UBE2Q2: variants seen among roughly 807,000 people sequenced by gnomAD.
UBE2Q2 encodes ubiquitin conjugating enzyme E2 Q2.
A neutral mutation model predicts 59.9 loss-of-function variants in UBE2Q2; 54 were observed. The observed-to-expected ratio is 0.90, with a 90% CI of 0.72 to 1.13. UBE2Q2 has a LOEUF of 1.13. Among genes scored for constraint, UBE2Q2 ranks in the 50% most tolerant of loss-of-function variants. UBE2Q2 has a pLI of 0.00. For missense variants in UBE2Q2, 433 were observed against 441.9 expected (o/e 0.98, Z 0.18); for synonymous variants, 165 against 155.2 (o/e 1.06, Z -0.47).
chr15:75,849,389 C>G (rs555237922), intron 1 of UBE2Q2, among the ~76,000 whole-genome samples: 1 of 152,298 alleles, frequency 6.6e-6, no homozygotes, highest in East Asian at 1.9e-4. Context: ...CTGAAGATAG[C>G]TGTGTCCTAC....
chr15:75,899,424 C>A lies in UBE2Q2; in HGVS notation c.1097-3C>A. On this transcript the variant is annotated splice_region_variant and splice_polypyrimidine_tract_variant and intron_variant, in intron 12 of 12. Transcript: ENST00000267938. ...TAACTTTTTTTTTTTCATTCTATTT[C>A]AGGCTGGTACACCCCTCCAAAGGAA... The A allele has an allele frequency of 1.3e-6, 2 of 1,566,512 alleles. No individual in the cohort carries two copies. The highest frequency in any genetic ancestry group is 1.7e-6 in the Non-Finnish European group (2 of 1,158,394).
intron 7 of UBE2Q2, among the ~76,000 whole-genome samples, chr15:75,878,724 C>T (rs558580914): frequency 2.0e-5 from 3 of 151,638 alleles, no homozygotes; most frequent in African/African-American, 7.3e-5. Flanking sequence ...ATAGTTCTGA[C>T]CATGGCAAAC....
chr15:75,861,021 T>G (rs886834703), intron 3 of UBE2Q2, among the ~76,000 whole-genome samples: 1 of 152,252 alleles, frequency 6.6e-6, no homozygotes, highest in Non-Finnish European at 1.5e-5. Context: ...ACTTACTGGC[T>G]GTATGCCCTT....
intron 12 of UBE2Q2, among the ~76,000 whole-genome samples, chr15:75,899,105 CAAAA>C (rs34292081): frequency 3.6e-5 from 4 of 111,104 alleles, no homozygotes; most frequent in African/African-American, 1.4e-4. Context: ...TACTAAATAC[CAAAA>C]AAAAAAAAAA....
intron 1 of UBE2Q2, among the ~76,000 whole-genome samples, chr15:75,852,663 CA>C (rs923133047): frequency 1.3e-5 from 2 of 152,096 alleles, no homozygotes; most frequent in African/African-American, 2.4e-5. Context: ...AAAACTAAAA[CA>C]GTAAAAATGG....
chr15:75,892,235 CT>C (rs1377983439), intron 11 of UBE2Q2, among the ~76,000 whole-genome samples: 3 of 152,160 alleles, frequency 2.0e-5, no homozygotes, highest in Non-Finnish European at 2.9e-5. Flanking sequence ...GACACAGATA[CT>C]TTTTGTAGGA....
At chr15:75,862,653 A>G (rs1288023529) in intron 3 of UBE2Q2, among the ~76,000 whole-genome samples, 1 of 151,380 alleles carries the variant, frequency 6.6e-6, no homozygotes, top group Non-Finnish European at 1.5e-5. Context: ...CCATCTTTAC[A>G]AAAAATAAAA....
chr15:75,890,994 G>A lies in UBE2Q2; in HGVS notation c.1009G>A (p.Val337Met), dbSNP rs1235090538. 1 of 1,611,954 alleles carries A rather than the reference G, an allele frequency of 6.2e-7. No individual in the cohort carries two copies. Among genetic ancestry groups the A allele is most frequent in the Admixed American group, 1.7e-5 (1 of 60,004 alleles). ...NATLVKGKARVQFGANKNQYN... is the reference protein window; with the variant it reads ...NATLVKGKARMQFGANKNQYN... ...CACCTTAGTCAAAGGCAAAGCCAGA[G>A]TGCAGTTTGGAGCAAATAAGGTACT... Residue 337 changes from valine to methionine, a missense_variant, in exon 11 of 13, where the codon GTG becomes ATG. Physicochemically the swap from Val to Met is conservative, Grantham distance 21. Transcript: ENST00000267938.
intron 2 of UBE2Q2, among the ~76,000 whole-genome samples, chr15:75,854,887 A>G (rs770426629): frequency 2.0e-5 from 3 of 152,204 alleles, no homozygotes; most frequent in East Asian, 1.9e-4. Context: ...AGTCTGCAGT[A>G]AAAGAATAGA....
At chr15:75,844,065 A>G (rs760865221) in intron 1 of UBE2Q2, 7 of 1,407,938 alleles carry the variant, frequency 5.0e-6, no homozygotes, top group African/African-American at 1.5e-5. Context: ...GCTTCTCGCC[A>G]GGGGCTGGCT....
intron 2 of UBE2Q2, among the ~76,000 whole-genome samples, chr15:75,859,576 T>C (rs1897106882): frequency 6.6e-6 from 1 of 152,192 alleles, no homozygotes; most frequent in South Asian, 2.1e-4. Context: ...AAGTTGTAAG[T>C]TTCTCAGAAA....
chr15:75,888,694 A>G (rs910686375), intron 9 of UBE2Q2, among the ~76,000 whole-genome samples: 2 of 152,204 alleles, frequency 1.3e-5, no homozygotes, highest in African/African-American at 2.4e-5. Flanking sequence ...CTGAAAGTGT[A>G]TATTAAGGAA....
In UBE2Q2 at chr15:75,864,755, G is replaced by A. The variant is rs74024008; in HGVS notation, c.388-4196G>A. Among the ~76,000 whole-genome samples, 1,306 of 152,176 alleles carry A rather than the reference G, an allele frequency of 8.6e-3. 18 individuals are homozygous for A. Among genetic ancestry groups the A allele is most frequent in the African/African-American group, 0.03 (1,234 of 41,516 alleles). On this transcript the variant is annotated intron_variant, in intron 3 of 12. Transcript: ENST00000267938. ...TGGCTGTTTTATTAGTCTTGTGAAA[G>A]AATCCTCTTTTAGTTTTATTTTTTA...
At chr15:75,878,955 A>AC in intron 7 of UBE2Q2, 143 bp from the exon 8 acceptor site, 1 of 496,586 alleles carries the variant, frequency 2.0e-6, no homozygotes, top group Non-Finnish European at 3.6e-6. Flanking sequence ...TCCTGGTGAT[A>AC]CAGAGCAGCT....
intron 12 of UBE2Q2, among the ~76,000 whole-genome samples, chr15:75,898,515 CTT>C (rs1200090274): frequency 3.3e-5 from 5 of 152,266 alleles, no homozygotes; most frequent in African/African-American, 1.2e-4. Context: ...TGGTGAGACA[CTT>C]TACATCCACT....
At position 75,859,980 on chromosome 15, in the gene UBE2Q2, C is replaced by G. The variant is rs1462695035; in HGVS notation, c.385C>G (p.Gln129Glu). 1.2e-5 allele frequency: 19 copies of G among 1,586,648 alleles called. No individual in the cohort carries two copies. The highest frequency in any genetic ancestry group is 1.6e-5 in the Non-Finnish European group (19 of 1,170,784). The stretch of plus-strand genomic sequence containing the variant: ...GCTAGATCAACCACTACCCACGGGT[C>G]AGGTAAAGTAAAAATTCTCTAGTGT... ...EMLDQPLPTG[Q>E]NGTTEEVTSE... Residue 129 changes from glutamine (Q) to glutamate (E), a missense_variant and splice_region_variant, in exon 3 of 13, where the codon CAG becomes GAG. By Grantham distance (29) the Gln-to-Glu change is conservative. Transcript: ENST00000267938.
chr15:75,855,360 G>A (rs970315035), intron 2 of UBE2Q2, among the ~76,000 whole-genome samples: 5 of 151,902 alleles, frequency 3.3e-5, no homozygotes, highest in East Asian at 3.9e-4. Flanking sequence ...GCATGGTGGC[G>A]CATGCTTGTA....
chr15:75,846,163 A>G (rs1404717041), intron 1 of UBE2Q2, among the ~76,000 whole-genome samples: 1 of 152,234 alleles, frequency 6.6e-6, no homozygotes, highest in Non-Finnish European at 1.5e-5. Context: ...GATTATTTTG[A>G]AGCAGATTCC....
At chr15:75,876,838 A>C (rs1898112295) in intron 6 of UBE2Q2, among the ~76,000 whole-genome samples, 1 of 152,176 alleles carries the variant, frequency 6.6e-6, no homozygotes, top group Non-Finnish European at 1.5e-5. Flanking sequence ...AATAGTATTA[A>C]ATAATGAGCC....
Sources: allele counts gnomAD v4.1 joint callset (sites outside exome capture counted in the v4.1 genomes callset), GRCh38; gene constraint gnomAD v4.1.1; transcripts MANE v1.5; gene names NCBI Gene and HGNC (gene_info 2026-07-23, HGNC 2026-07-21).